Variants in HSPD1 observed in about 807,000 individuals in gnomAD.
HSPD1 encodes the protein 60 kDa heat shock protein, mitochondrial.
In HSPD1, 3 loss-of-function variants were observed where a neutral mutation model predicts 53.0. That is an observed-to-expected ratio of 0.06 (90% CI 0.03 to 0.15). HSPD1 has a LOEUF of 0.15. HSPD1 is among the 10% of genes least tolerant of loss of function. The pLI, the probability that HSPD1 is intolerant of heterozygous loss-of-function variation, is 1.00. For missense variants in HSPD1, 431 were observed against 694.1 expected (o/e 0.62, Z 4.26); for synonymous variants, 200 against 228.0 (o/e 0.88, Z 1.10).
At chr2:197,498,172 G>A (rs1470460345) in intron 2 of HSPD1, among the ~76,000 whole-genome samples, 3 of 152,190 alleles carry the variant, frequency 2.0e-5, no homozygotes, top group Non-Finnish European at 4.4e-5. Context: ...AAGTTTTGGA[G>A]ATGGATGGTG....
At chr2:197,498,958 C>A in intron 1 of HSPD1, 108 bp from the exon 2 acceptor site, 1 of 971,746 alleles carries the variant, frequency 1.0e-6, no homozygotes, top group South Asian at 1.4e-5. Flanking sequence ...CTGAGCCTGG[C>A]TGACCTCCGC....
intron 1 of HSPD1, 124 bp downstream of exon 1, chr2:197,499,658 C>A (rs1036370086): frequency 2.6e-5 from 4 of 152,134 alleles, no homozygotes; most frequent in African/African-American, 9.7e-5. Context: ...CCTGGGCCTG[C>A]GGTGCGGCGC....
Position 197,487,078 on chromosome 2 carries a change from T to C in HSPD1, c.1690A>G (p.Met564Val), listed in dbSNP as rs767576463. The C allele has an allele frequency of 6.6e-7, 1 of 1,522,128 alleles. No individual in the cohort carries two copies. Among genetic ancestry groups the C allele is most frequent in the Non-Finnish European group, 9.1e-7 (1 of 1,096,280 alleles). The allele number at this position is 1,522,128 out of a possible 1,614,324, so 94.3% of individuals were successfully genotyped here. A position where few individuals can be genotyped will look rare whatever the true frequency, so the allele number is the denominator to read the frequency against. The change falls in exon 12 of 12, where the codon ATG becomes GTG. Residue 564 changes from methionine to valine, a missense_variant. Met to Val is a conservative substitution (Grantham distance 21, BLOSUM62 1). Coordinates refer to ENST00000388968, the MANE Select transcript of HSPD1 (RefSeq NM_002156.5). ...KDPGMGAMGG[M>V]GGGMGGGMF The stretch of plus-strand genomic sequence containing the variant: ...ATGCCACCTCCCATACCACCTCCCA[T>C]TCCACCCATTGCACCCATTCCAGGG...
chr2:197,489,560 T>G (rs984449720), intron 8 of HSPD1, among the ~76,000 whole-genome samples: 1 of 152,182 alleles, frequency 6.6e-6, no homozygotes, highest in Non-Finnish European at 1.5e-5. Context: ...CCTTGTAGCA[T>G]ACACTTCTAC....
intron 3 of HSPD1, among the ~76,000 whole-genome samples, chr2:197,495,676 C>T (rs1257304352): frequency 6.6e-6 from 1 of 152,040 alleles, no homozygotes; most frequent in Non-Finnish European, 1.5e-5. Context: ...CCAAGGTGGT[C>T]TTGAACTCCT....
Position 197,499,454 on chromosome 2 carries a change from G to A in HSPD1, c.-3+328C>T, listed in dbSNP as rs182518247. Reference sequence around the variant, plus strand: ...TCCCAGCTGCCTGCGGGGGAAAAAAGCGGTTCCCTCACGTACACCACCCTC... The same window carrying A: ...TCCCAGCTGCCTGCGGGGGAAAAAAACGGTTCCCTCACGTACACCACCCTC... On this transcript the variant is annotated intron_variant, in intron 1 of 11. Coordinates refer to ENST00000388968, the MANE Select transcript of HSPD1 (RefSeq NM_002156.5). 795 of 155,970 alleles carry A rather than the reference G, an allele frequency of 5.1e-3. 6 individuals are homozygous for A. Among genetic ancestry groups the A allele is most frequent in the African/African-American group, 0.017 (725 of 41,532 alleles). 9.7% of individuals were successfully genotyped at this position (155,970 alleles called of 1,614,324 possible).
Position 197,486,675 on chromosome 2 carries a change from A to T in HSPD1, c.*371T>A. On this transcript the variant is annotated 3_prime_UTR_variant, in exon 12 of 12. Coordinates refer to ENST00000388968, the MANE Select transcript of HSPD1 (RefSeq NM_002156.5). ...ACAATTATTCTCACTCTCCACAGAA[A>T]GGCTGCTTAACTTCTCATCTGGTGG... 1 of 300,216 alleles carries T rather than the reference A, an allele frequency of 3.3e-6. No individual in the cohort carries two copies. The highest frequency in any genetic ancestry group is 6.5e-6 in the Non-Finnish European group (1 of 153,816). The allele number at this position is 300,216 out of a possible 1,614,324, so 18.6% of individuals were successfully genotyped here.
intron 2 of HSPD1, among the ~76,000 whole-genome samples, chr2:197,498,436 T>C (rs1004572645): frequency 6.6e-6 from 1 of 152,166 alleles, no homozygotes; most frequent in African/African-American, 2.4e-5. Flanking sequence ...GAGCTGTAAG[T>C]TACTACCTGA....
At chr2:197,494,373 C>T in intron 5 of HSPD1, 123 bp from the exon 6 acceptor site, 1 of 678,992 alleles carries the variant, frequency 1.5e-6, no homozygotes, top group Non-Finnish European at 2.7e-6. Context: ...TATGAAACAG[C>T]CCAGGACATC....
chr2:197,495,436 A>C (rs2086145837), intron 3 of HSPD1, 60 bp from the exon 4 acceptor site: 1 of 1,139,952 alleles, frequency 8.8e-7, no homozygotes, highest in African/African-American at 1.5e-5. Flanking sequence ...TATGTCAAGT[A>C]GAAATCTTGA....
chr2:197,488,304 G>C lies in HSPD1; in HGVS notation c.1390+13C>G. 1 of 1,612,684 alleles carries C rather than the reference G, an allele frequency of 6.2e-7. No homozygotes were observed. The highest frequency in any genetic ancestry group is 1.1e-5 in the South Asian group (1 of 91,010). ...AATCAGGCCACAAACTCATTTAAAA[G>C]GTAACTTTTTACCAATTTTTTGATC... On this transcript the variant is annotated intron_variant, in intron 10 of 11. Coordinates refer to ENST00000388968, the MANE Select transcript of HSPD1 (RefSeq NM_002156.5).
At chr2:197,490,520 C>T (rs1375664845) in intron 7 of HSPD1, 6 of 539,920 alleles carry the variant, frequency 1.1e-5, no homozygotes, top group African/African-American at 1.9e-5. Flanking sequence ...TGTCCATATC[C>T]GTTTACCTTC....
chr2:197,494,732 G>A lies in HSPD1; in HGVS notation c.531C>T (p.Asn177=), dbSNP rs1272157178. 6.2e-6 allele frequency: 10 copies of A among 1,612,074 alleles called. No individual in the cohort carries two copies. Among genetic ancestry groups the A allele is most frequent in the South Asian group, 4.4e-5 (4 of 91,046 alleles). The change falls in exon 5 of 12, where the codon AAC becomes AAT. Residue 177 remains asparagine (N), a synonymous_variant. Transcript: ENST00000388968. ...TGATATTGCCAATTTCTTTGTCTCC[G>A]TTTGCAGAAATCGTAGCAACCTGAA... ...EIAQVATISA[N]GDKEIGNIIS...
chr2:197,499,666 CGCGGTGCGGA>C (rs1001857571), intron 1 of HSPD1, 106 bp downstream of exon 1: 13 of 152,234 alleles, frequency 8.5e-5, no homozygotes, highest in African/African-American at 1.7e-4. Context: ...TGCGGTGCGG[CGCGGTGCGGA>C]ACTCCAGGTT....
chr2:197,494,677 T>G lies in HSPD1; in HGVS notation c.586A>C (p.Lys196Gln). The G allele has an allele frequency of 6.2e-7, 1 of 1,608,880 alleles. No individual in the cohort carries two copies. The highest frequency in any genetic ancestry group is 1.1e-5 in the South Asian group (1 of 90,976). ...ISDAMKKVGRKGVITVKDGKT... is the reference protein window; with the variant it reads ...ISDAMKKVGRQGVITVKDGKT... ...CTTGCCTTTACTGTGATGACACCCT[T>G]TCTTCCAACTTTTTTCATTGCATCA... The change falls in exon 5 of 12, where the codon AAG (lysine) becomes CAG (glutamine). Residue 196 changes from lysine (K) to glutamine (Q), a missense_variant. Transcript: ENST00000388968.
chr2:197,493,191 A>G (rs1270294232), intron 7 of HSPD1, 133 bp downstream of exon 7: 2 of 805,600 alleles, frequency 2.5e-6, no homozygotes, highest in East Asian at 4.9e-5. Context: ...CCTGATTTAC[A>G]CAATTACAAT....
intron 7 of HSPD1, among the ~76,000 whole-genome samples, chr2:197,492,269 C>A (rs998669897): frequency 6.6e-6 from 1 of 152,252 alleles, no homozygotes; most frequent in Non-Finnish European, 1.5e-5. Context: ...CGGATCACTG[C>A]AACTTCCGCC....
chr2:197,487,280 GCTCACAC>G, intron 11 of HSPD1, 82 bp from the exon 12 acceptor site: 1 of 1,237,708 alleles, frequency 8.1e-7, no homozygotes, highest in Non-Finnish European at 1.2e-6. Flanking sequence ...GGGCATGGTG[GCTCACAC>G]CTGTAATCCA....
intron 2 of HSPD1, 160 bp from the exon 3 acceptor site, chr2:197,497,552 G>C (rs1441978356): frequency 1.0e-5 from 7 of 688,668 alleles, no homozygotes; most frequent in African/African-American, 9.0e-5. Flanking sequence ...CAAGTTTATC[G>C]ACATTCTTTG....
Sources: allele counts gnomAD v4.1 joint callset (sites outside exome capture counted in the v4.1 genomes callset), GRCh38; gene constraint gnomAD v4.1.1; transcripts MANE v1.5; gene names NCBI Gene and HGNC (gene_info 2026-07-23, HGNC 2026-07-21).